USH2A: variants seen among roughly 807,000 people sequenced by gnomAD.
The protein encoded by USH2A is usherin, also known as Usher syndrome 2A (autosomal recessive, mild).
USH2A carries 443 observed loss-of-function variants against 538.9 expected under a neutral mutation model. The ratio of observed to expected loss-of-function variants is 0.82; its 90% confidence interval spans 0.76 to 0.89. The LOEUF (loss-of-function observed/expected upper bound fraction) is 0.89, where lower values mean the gene tolerates loss of function less well. Among genes scored for constraint, USH2A ranks in the 40% least tolerant of loss-of-function variants. USH2A has a pLI of 0.00. For missense variants in USH2A, 6,633 were observed against 6,324.8 expected, an observed-to-expected ratio of 1.05 and a Z score of -1.65; for synonymous variants, 2,413 against 2,273.5, an observed-to-expected ratio of 1.06 and a Z score of -1.75.
At chr1:216,258,524 C>G (rs2036301657) in intron 11 of USH2A, among the ~76,000 whole-genome samples, 1 of 152,048 alleles carries the variant, frequency 6.6e-6, no homozygotes, top group Non-Finnish European at 1.5e-5. Flanking sequence ...TATCTGCTCT[C>G]TGCAAACTCT....
intron 64 of USH2A, among the ~76,000 whole-genome samples, chr1:215,652,274 C>T (rs1175619761): frequency 6.6e-6 from 1 of 152,222 alleles, no homozygotes; most frequent in African/African-American, 2.4e-5. Context: ...GAATTCTGCT[C>T]TCCAGTGCCT....
At chr1:216,108,274 A>G (rs1191289890) in intron 21 of USH2A, among the ~76,000 whole-genome samples, 1 of 151,946 alleles carries the variant, frequency 6.6e-6, no homozygotes, top group African/African-American at 2.4e-5. Flanking sequence ...AAGTTTCTAA[A>G]GATATTGTAT....
rs984551430 is a variant in USH2A, at chr1:216,422,234, C to A, written c.103G>T (p.Gly35Cys). The A allele has an allele frequency of 6.2e-7, 1 of 1,612,890 alleles. No individual in the cohort carries two copies. The highest frequency in any genetic ancestry group is 1.3e-5 in the African/African-American group (1 of 74,790). ...ACGTTCTCCAGCCTTGGGAAAAGAC[C>A]TCGTGACTCAGTCAAGGATATTGAA... ...FASISLTESRGLFPRLENVGA... is the reference protein window; with the variant it reads ...FASISLTESRCLFPRLENVGA... The change falls in exon 2 of 72, where the codon GGT becomes TGT. Residue 35 changes from glycine to cysteine, a missense_variant. Physicochemically the swap from Gly to Cys is radical, Grantham distance 159. Transcript: ENST00000307340.
intron 3 of USH2A, among the ~76,000 whole-genome samples, chr1:216,370,622 G>C (rs2038692203): frequency 7.7e-6 from 1 of 130,668 alleles, no homozygotes; most frequent in South Asian, 2.7e-4. Flanking sequence ...AGGTTGTGGT[G>C]AGCCGAGATC....
At chr1:216,230,745 A>C (rs2035660493) in intron 14 of USH2A, among the ~76,000 whole-genome samples, 1 of 152,102 alleles carries the variant, frequency 6.6e-6, no homozygotes. Context: ...AAATATACAC[A>C]TATTGAGAGA....
At chr1:216,095,841 C>T (rs1232268947) in intron 22 of USH2A, among the ~76,000 whole-genome samples, 1 of 152,118 alleles carries the variant, frequency 6.6e-6, no homozygotes, top group African/African-American at 2.4e-5. Flanking sequence ...AGGCTGAGAT[C>T]CTCAGTCAGA....
rs189376049 is a variant in USH2A, at chr1:216,177,053, G to A, written c.4397-1571C>T. ...ATCTAATTATATATCAGGGTTTTGT[G>A]TTTTTAACTCCGTTGAGTAAATACC... On this transcript the variant is annotated intron_variant, in intron 20 of 71. Transcript: ENST00000307340. Among the ~76,000 whole-genome samples, 54 of 152,234 alleles carry A rather than the reference G, an allele frequency of 3.5e-4. 2 individuals are homozygous for A. The highest frequency in any genetic ancestry group is 3.2e-3 in the Admixed American group (49 of 15,280).
intron 35 of USH2A, among the ~76,000 whole-genome samples, chr1:215,977,222 A>G (rs1436534215): frequency 6.6e-6 from 1 of 152,126 alleles, no homozygotes; most frequent in Non-Finnish European, 1.5e-5. Flanking sequence ...AATAAAAAAA[A>G]TCTTTGCTAG....
At chr1:215,886,070 A>C in intron 41 of USH2A, among the ~76,000 whole-genome samples, 1 of 152,214 alleles carries the variant, frequency 6.6e-6, no homozygotes, top group East Asian at 1.9e-4. Flanking sequence ...ATGTTCACTC[A>C]TGTACTGATG....
At chr1:215,642,327 A>G (rs557692246) in intron 67 of USH2A, among the ~76,000 whole-genome samples, 26 of 152,304 alleles carry the variant, frequency 1.7e-4, no homozygotes, top group African/African-American at 6.0e-4. Flanking sequence ...GAGGTCAAAT[A>G]TCTTGCTCTA....
At chr1:216,390,421 A>G (rs2039085328) in intron 3 of USH2A, among the ~76,000 whole-genome samples, 1 of 152,206 alleles carries the variant, frequency 6.6e-6, no homozygotes, top group South Asian at 2.1e-4. Context: ...ATGATGAATG[A>G]ATCCATACCA....
chr1:215,928,532 A>T (rs897282798), intron 38 of USH2A, among the ~76,000 whole-genome samples: 5 of 152,144 alleles, frequency 3.3e-5, no homozygotes, highest in Non-Finnish European at 5.9e-5. Context: ...TTTATGGAAG[A>T]TTGACAAATT....
In USH2A at chr1:216,250,779, G is replaced by GT. The variant is rs570199293; in HGVS notation, c.2167+123dup. 21,657 of 958,078 alleles carry GT rather than the reference G, an allele frequency of 0.023. 158 individuals carry two copies. Among genetic ancestry groups the GT allele is most frequent in the African/African-American group, 0.032 (1,929 of 60,476 alleles). 59.3% of individuals were successfully genotyped at this position (958,078 alleles called of 1,614,324 possible). On this transcript the variant is annotated intron_variant, in intron 12 of 71. Coordinates refer to ENST00000307340, the MANE Select transcript of USH2A (RefSeq NM_206933.4). ...TTAAACAGTTAATTTCATCCAAATTGTTTTTTTTTCCAGCCTGTCTTGAGC... is the reference window on the plus strand; with the variant it reads ...TTAAACAGTTAATTTCATCCAAATTGTTTTTTTTTTCCAGCCTGTCTTGAGC...
intron 61 of USH2A, among the ~76,000 whole-genome samples, chr1:215,681,842 A>G (rs1361645862): frequency 1.3e-5 from 2 of 152,204 alleles, no homozygotes; most frequent in South Asian, 2.1e-4. Context: ...TCCTATTTCA[A>G]TAAGTCCCAT....
chr1:215,788,053 GTA>G (rs1558098127), intron 51 of USH2A, among the ~76,000 whole-genome samples: 2 of 152,022 alleles, frequency 1.3e-5, no homozygotes, highest in African/African-American at 2.4e-5. Flanking sequence ...GTATGTGTGT[GTA>G]TCTATCTATC....
chr1:216,089,969 C>T (rs1406440522), intron 22 of USH2A, among the ~76,000 whole-genome samples: 1 of 151,790 alleles, frequency 6.6e-6, no homozygotes. Flanking sequence ...TGAAAGATAT[C>T]CCAACTTTGT....
At chr1:216,058,751 CA>C (rs1436553659) in intron 30 of USH2A, among the ~76,000 whole-genome samples, 1 of 152,066 alleles carries the variant, frequency 6.6e-6, no homozygotes, top group Non-Finnish European at 1.5e-5. Context: ...ACTAGTAGTT[CA>C]ATACTCAGTC....
chr1:216,091,896 A>C (rs2032310294), intron 22 of USH2A, among the ~76,000 whole-genome samples: 1 of 152,164 alleles, frequency 6.6e-6, no homozygotes, highest in East Asian at 1.9e-4. Flanking sequence ...TGAAAAACAG[A>C]CAAATTTGAA....
intron 70 of USH2A, 112 bp from the exon 71 acceptor site, chr1:215,629,147 A>G (rs1404310402): frequency 3.3e-5 from 36 of 1,106,900 alleles, no homozygotes; most frequent in Non-Finnish European, 2.7e-6. Flanking sequence ...TCTCCTGACA[A>G]TTGTCACATT....
Sources: allele counts gnomAD v4.1 joint callset (sites outside exome capture counted in the v4.1 genomes callset), GRCh38; gene constraint gnomAD v4.1.1; transcripts MANE v1.5; gene names NCBI Gene and HGNC (gene_info 2026-07-23, HGNC 2026-07-21).